The following INPP5K variants were observed in gnomAD, a reference collection of about 807,000 sequenced individuals.
INPP5K encodes inositol polyphosphate 5-phosphatase K.
Under a neutral mutation model 53.5 loss-of-function variants are expected in INPP5K, and 35 were observed. The ratio of observed to expected loss-of-function variants is 0.65; its 90% CI spans 0.50 to 0.87. INPP5K has a LOEUF of 0.87. Among genes scored for constraint, INPP5K ranks in the 40% least tolerant of loss-of-function variants. INPP5K has a pLI of 0.00. For synonymous variants in INPP5K, 253 were observed against 232.8 expected, an observed-to-expected ratio of 1.09 and a Z score of -0.79; for missense variants, 550 against 586.2, an observed-to-expected ratio of 0.94 and a Z score of 0.64.
chr17:1,513,816 C>T, intron 2 of INPP5K, 56 bp downstream of exon 2: 1 of 1,382,910 alleles, frequency 7.2e-7, no homozygotes, highest in Non-Finnish European at 1.0e-6. Flanking sequence ...ACAGTGCTTC[C>T]CACAGGGAAA....
chr17:1,496,870 C>A, intron 8 of INPP5K, 67 bp from the exon 9 acceptor site: 1 of 1,535,758 alleles, frequency 6.5e-7, no homozygotes, highest in African/African-American at 1.4e-5. Flanking sequence ...GCCAAGTGTT[C>A]CTCACTGTGC....
At chr17:1,516,259 C>T in intron 1 of INPP5K, 197 bp downstream of exon 1, 2 of 861,318 alleles carry the variant, frequency 2.3e-6, no homozygotes, top group Non-Finnish European at 1.7e-6. Flanking sequence ...TGGGAACGAG[C>T]TTGGCGGCCT....
intron 4 of INPP5K, 47 bp from the exon 5 acceptor site, chr17:1,509,400 C>A: frequency 1.3e-6 from 2 of 1,558,704 alleles, no homozygotes; most frequent in Non-Finnish European, 1.8e-6. Context: ...TCGGGTTGGA[C>A]ACACCCCTCT....
chr17:1,512,855 G>A (rs968066222), intron 3 of INPP5K, among the ~76,000 whole-genome samples: 1 of 152,242 alleles, frequency 6.6e-6, no homozygotes, highest in Middle Eastern at 3.4e-3. Flanking sequence ...GGCTAGCCAC[G>A]CCTAAGATCT....
At chr17:1,504,696 A>G (rs1407930141) in intron 7 of INPP5K, among the ~76,000 whole-genome samples, 1 of 152,244 alleles carries the variant, frequency 6.6e-6, no homozygotes, top group Non-Finnish European at 1.5e-5. Flanking sequence ...TGTTTACCTA[A>G]CGAGGACATG....
At chr17:1,508,373 T>C (rs1300867695) in intron 5 of INPP5K, 147 bp from the exon 6 acceptor site, 3 of 669,774 alleles carry the variant, frequency 4.5e-6, no homozygotes, top group Non-Finnish European at 8.1e-6. Context: ...GCGTGGGTCC[T>C]CTGGAACTGT....
intron 7 of INPP5K, among the ~76,000 whole-genome samples, chr17:1,504,736 G>A (rs569609892): frequency 7.9e-5 from 12 of 152,158 alleles, no homozygotes; most frequent in Admixed American, 1.3e-4. Flanking sequence ...AAGCCTTGGC[G>A]CACACCTGCA....
chr17:1,502,837 T>C (rs1378381632), intron 7 of INPP5K, among the ~76,000 whole-genome samples: 1 of 151,534 alleles, frequency 6.6e-6, no homozygotes, highest in East Asian at 1.9e-4. Context: ...CAAATGATCC[T>C]CCTGCCTCAG....
At chr17:1,508,785 T>G (rs2075228028) in intron 5 of INPP5K, among the ~76,000 whole-genome samples, 1 of 111,428 alleles carries the variant, frequency 9.0e-6, no homozygotes, top group Non-Finnish European at 1.9e-5. Flanking sequence ...CTCGTGGCGG[T>G]CAGCTGGGGC....
chr17:1,507,365 A>G (rs2075183456), intron 6 of INPP5K: 1 of 430,556 alleles, frequency 2.3e-6, no homozygotes. Flanking sequence ...TTCCATCTCT[A>G]GGGGAGATCA....
At chr17:1,498,251 G>C (rs570291660) in intron 7 of INPP5K, 129 bp from the exon 8 acceptor site, 5 of 768,830 alleles carry the variant, frequency 6.5e-6, no homozygotes, top group South Asian at 5.5e-5. Flanking sequence ...ACAGACCCCC[G>C]GGGCCAGAGC....
intron 6 of INPP5K, 101 bp downstream of exon 6, chr17:1,508,014 A>C: frequency 1.1e-6 from 1 of 890,328 alleles, no homozygotes; most frequent in Non-Finnish European, 1.8e-6. Context: ...ACCTGGGCAA[A>C]AGAAAACAGC....
chr17:1,516,536 C>G lies in INPP5K; in HGVS notation c.-37G>C, dbSNP rs1352651513. The G allele has an allele frequency of 6.5e-7, 1 of 1,540,278 alleles. No homozygotes were observed. The highest frequency in any genetic ancestry group is 1.9e-5 in the Admixed American group (1 of 52,518). ...TCCCCGCGCGGTGGTCCGGCAGGTT[C>G]GCGTCTCCCGGCCAGCGGGTCCCGG... On this transcript the variant is annotated 5_prime_UTR_variant, in exon 1 of 12. Coordinates refer to ENST00000421807, the MANE Select transcript of INPP5K (RefSeq NM_016532.4).
chr17:1,502,155 C>T (rs535416150), intron 7 of INPP5K, among the ~76,000 whole-genome samples: 2 of 152,048 alleles, frequency 1.3e-5, no homozygotes, highest in Non-Finnish European at 1.5e-5. Flanking sequence ...GGAGACCATC[C>T]TGGCTAACAT....
chr17:1,516,476 C>G lies in INPP5K; in HGVS notation c.24G>C (p.Gly8=), dbSNP rs2075442463. ...CTCACCTGAGCCTCCTGCCTTTCGG[C>G]CCGCTCAGCTTCCGCGAGCTCATGG... The part of the protein sequence containing the change: MSSRKLS[G]PKGRRLSIHV... Residue 8 remains glycine, a synonymous_variant, in exon 1 of 12, where the codon GGG becomes GGC. Transcript: ENST00000421807. 6.3e-7 allele frequency: 1 copy of G among 1,589,226 alleles called. No individual in the cohort carries two copies. The highest frequency in any genetic ancestry group is 1.4e-5 in the African/African-American group (1 of 73,324).
At chr17:1,515,522 G>T in intron 1 of INPP5K, 1 of 985,642 alleles carries the variant, frequency 1.0e-6, no homozygotes, top group Non-Finnish European at 1.2e-6. Context: ...ACCCTGCAGA[G>T]ACCAGGAACA....
At position 1,506,904 on chromosome 17, in the gene INPP5K, C is replaced by T. The variant is rs896506210; in HGVS notation, c.776+76G>A. On this transcript the variant is annotated intron_variant, in intron 7 of 11. Coordinates refer to ENST00000421807, the MANE Select transcript of INPP5K (RefSeq NM_016532.4). ...TCCTGCCCCCCCTAACACTTCTATT[C>T]TGAGACAGTTCCCATGCCAGCAGGG... The T allele has an allele frequency of 8.7e-6, 9 of 1,029,920 alleles. No individual in the cohort carries two copies. In the African/African-American group the frequency reaches 1.3e-4, roughly 14 times the overall value. The allele number at this position is 1,029,920 out of a possible 1,614,324, so 63.8% of individuals were successfully genotyped here.
At chr17:1,500,541 A>AT (rs2074982056) in intron 7 of INPP5K, among the ~76,000 whole-genome samples, 1 of 151,840 alleles carries the variant, frequency 6.6e-6, no homozygotes, top group Non-Finnish European at 1.5e-5. Context: ...ACTTTTTTGT[A>AT]TTTTTAGTAG....
Position 1,495,872 on chromosome 17 carries a change from G to A in INPP5K, c.1298C>T (p.Pro433Leu), listed in dbSNP as rs1567544108. 6.2e-7 allele frequency: 1 copy of A among 1,612,552 alleles called. No homozygotes were observed. Among genetic ancestry groups the A allele is most frequent in the Admixed American group, 1.7e-5 (1 of 59,930 alleles). Residue 433 changes from proline (P) to leucine (L), a missense_variant, in exon 12 of 12, where the codon CCT (proline) becomes CTT (leucine). By Grantham distance (98) the Pro-to-Leu change is moderately conservative. Transcript: ENST00000421807. Reference protein sequence around the residue: ...VGISRPFQIPPGSLREDPLGE... With the variant: ...VGISRPFQIPLGSLREDPLGE... ...CAGTGGGTCCTCCCTCAAGGAGCCAGGCGGGATCTGCAGGGATAAAGCAGG... is the reference window on the plus strand; with the variant it reads ...CAGTGGGTCCTCCCTCAAGGAGCCAAGCGGGATCTGCAGGGATAAAGCAGG...
Sources: allele counts gnomAD v4.1 joint callset (sites outside exome capture counted in the v4.1 genomes callset), GRCh38; gene constraint gnomAD v4.1.1; transcripts MANE v1.5; gene names NCBI Gene and HGNC (gene_info 2026-07-23, HGNC 2026-07-21).